The following MARK3 variants were observed in gnomAD, a reference collection of about 807,000 sequenced individuals.
The protein encoded by MARK3 is MAP/microtubule affinity-regulating kinase 3.
In MARK3, 46 loss-of-function variants were observed where a neutral mutation model predicts 90.1. The ratio of observed to expected loss-of-function variants is 0.51; its 90% CI spans 0.40 to 0.65. The LOEUF (loss-of-function observed/expected upper bound fraction) is 0.65, where lower values mean the gene tolerates loss of function less well. Ranked by LOEUF, MARK3 falls within the 30% of genes least tolerant of loss-of-function variation. The pLI is 0.00. For missense variants in MARK3, 818 were observed against 947.2 expected, an observed-to-expected ratio of 0.86 and a Z score of 1.79; for synonymous variants, 321 against 332.6, an observed-to-expected ratio of 0.97 and a Z score of 0.38.
At position 103,467,377 on chromosome 14, in the gene MARK3, G is replaced by A. The variant is rs1595818738; in HGVS notation, c.1110+186G>A. ...TATTTTAACTTAACCCTTAATGATGGATATTGGCCAGGCGTGGTGGCTCAT... is the reference window on the plus strand; with the variant it reads ...TATTTTAACTTAACCCTTAATGATGAATATTGGCCAGGCGTGGTGGCTCAT... On this transcript the variant is annotated intron_variant, in intron 11 of 17. Coordinates refer to ENST00000429436, the MANE Select transcript of MARK3 (RefSeq NM_001128918.3). 8 of 363,456 alleles carry A rather than the reference G, an allele frequency of 2.2e-5. No homozygotes were observed. In the East Asian group the frequency reaches 3.8e-4, roughly 17 times the overall value. The allele number at this position is 363,456 out of a possible 1,614,324, so 22.5% of individuals were successfully genotyped here.
At chr14:103,413,357 T>C (rs1418182845) in intron 2 of MARK3, among the ~76,000 whole-genome samples, 1 of 151,874 alleles carries the variant, frequency 6.6e-6, no homozygotes, top group Non-Finnish European at 1.5e-5. Flanking sequence ...TATAACTTCT[T>C]GCATTTGGGA....
chr14:103,480,629 T>C, intron 14 of MARK3, 139 bp downstream of exon 14: 1 of 580,540 alleles, frequency 1.7e-6, no homozygotes, highest in South Asian at 2.3e-5. Flanking sequence ...ATTTGTATAC[T>C]AATTTTTAGC....
chr14:103,491,686 C>T, intron 14 of MARK3, 91 bp from the exon 15 acceptor site: 2 of 1,404,070 alleles, frequency 1.4e-6, no homozygotes, highest in Admixed American at 4.2e-5. Flanking sequence ...TTTTTTATAC[C>T]CGATTTTCTC....
chr14:103,419,109 A>C (rs2140935613), intron 2 of MARK3, among the ~76,000 whole-genome samples: 1 of 152,236 alleles, frequency 6.6e-6, no homozygotes, highest in South Asian at 2.1e-4. Flanking sequence ...TAACATGGTG[A>C]AACCCCGTCT....
chr14:103,470,272 T>C (rs990427158), intron 12 of MARK3, among the ~76,000 whole-genome samples: 1 of 151,692 alleles, frequency 6.6e-6, no homozygotes, highest in Non-Finnish European at 1.5e-5. Flanking sequence ...AAGCCAGTCC[T>C]TTATGAGACA....
At chr14:103,412,572 C>T (rs953582421) in intron 2 of MARK3, 20 of 683,020 alleles carry the variant, frequency 2.9e-5, no homozygotes, top group Admixed American at 6.2e-5. Flanking sequence ...CCCCAGGACC[C>T]ACACTTGGGA....
chr14:103,425,841 C>T (rs1468680142), intron 2 of MARK3, among the ~76,000 whole-genome samples: 1 of 152,210 alleles, frequency 6.6e-6, no homozygotes, highest in African/African-American at 2.4e-5. Flanking sequence ...CCCATCCACT[C>T]CAGGGTCAGA....
At chr14:103,399,263 AT>A (rs2140555011) in intron 1 of MARK3, among the ~76,000 whole-genome samples, 1 of 152,334 alleles carries the variant, frequency 6.6e-6, no homozygotes, top group African/African-American at 2.4e-5. Flanking sequence ...TGTGGGCAAA[AT>A]TAAGAACTAA....
At chr14:103,420,418 A>T (rs923339033) in intron 2 of MARK3, among the ~76,000 whole-genome samples, 2 of 151,974 alleles carry the variant, frequency 1.3e-5, no homozygotes, top group African/African-American at 4.8e-5. Flanking sequence ...TTCTACAGAG[A>T]CAAAGCATCC....
chr14:103,445,531 G>A lies in MARK3; in HGVS notation c.298-3388G>A, dbSNP rs1395102003. Among the ~76,000 whole-genome samples, 3 of 152,076 alleles carry A rather than the reference G, an allele frequency of 2.0e-5. No homozygotes were observed. In the South Asian group the frequency reaches 6.2e-4, roughly 32 times the overall value. ...TTCTTTGGCTGCTCTTTTTGCCTAC[G>A]GAATTAAATTTTTACTAGTCTTCTA... On this transcript the variant is annotated intron_variant, in intron 3 of 17. Coordinates refer to ENST00000429436, the MANE Select transcript of MARK3 (RefSeq NM_001128918.3).
rs1026866056 is a variant in MARK3, at chr14:103,493,088, A to G, written c.1844+1054A>G. On this transcript the variant is annotated intron_variant, in intron 15 of 17. Coordinates refer to ENST00000429436, the MANE Select transcript of MARK3 (RefSeq NM_001128918.3). ...CCTCCTCTGTTTTTCTGCATTCCCT[A>G]TGGCCTATAGCCTATTACTTCATTT... is the stretch of plus-strand genomic sequence containing the variant. Among the ~76,000 whole-genome samples, 10 of 152,176 alleles carry G rather than the reference A, an allele frequency of 6.6e-5. No individual in the cohort carries two copies. In the East Asian group the frequency reaches 1.5e-3, roughly 24 times the overall value.
intron 3 of MARK3, among the ~76,000 whole-genome samples, chr14:103,429,012 C>G (rs2092497869): frequency 6.6e-6 from 1 of 152,162 alleles, no homozygotes; most frequent in African/African-American, 2.4e-5. Context: ...TTTAGAATCA[C>G]CTGGGCAGAT....
At position 103,438,956 on chromosome 14, in the gene MARK3, C is replaced by A. The variant is rs2092783062; in HGVS notation, c.298-9963C>A. Among the ~76,000 whole-genome samples the A allele has an allele frequency of 2.0e-5, 3 of 151,070 alleles. No homozygotes were observed. The South Asian group carries it at 6.3e-4, about 32-fold the overall frequency. ...TGAACCATGTTCATGCCACTGCATT[C>A]CAGCTTGGGTGACAGAGCAAGACTC... On this transcript the variant is annotated intron_variant, in intron 3 of 17. Coordinates refer to ENST00000429436, the MANE Select transcript of MARK3 (RefSeq NM_001128918.3).
chr14:103,423,198 G>GTTTTTTTTTTTTT (rs1418393541), intron 2 of MARK3, among the ~76,000 whole-genome samples: 41 of 8,340 alleles, frequency 4.9e-3, no homozygotes, highest in African/African-American at 6.6e-3. Context: ...AGGACTTGCA[G>GTTTTTTTTTTTTT]TCTTTTTTTT....
At chr14:103,451,376 G>A (rs892896958) in intron 4 of MARK3, among the ~76,000 whole-genome samples, 4 of 152,084 alleles carry the variant, frequency 2.6e-5, no homozygotes, top group African/African-American at 9.7e-5. Context: ...TCAATTAATT[G>A]CAGTATAATC....
intron 3 of MARK3, among the ~76,000 whole-genome samples, chr14:103,434,525 G>A (rs1389808238): frequency 1.3e-5 from 2 of 152,202 alleles, no homozygotes; most frequent in Non-Finnish European, 2.9e-5. Context: ...ACAGTCTTGG[G>A]AAAAGCTGTC....
At chr14:103,416,871 T>A (rs1469666346) in intron 2 of MARK3, among the ~76,000 whole-genome samples, 1 of 152,216 alleles carries the variant, frequency 6.6e-6, no homozygotes, top group Non-Finnish European at 1.5e-5. Context: ...TAGGAGCTTG[T>A]AGAAATTTTC....
chr14:103,431,581 C>G (rs554142926), intron 3 of MARK3, among the ~76,000 whole-genome samples: 1 of 151,864 alleles, frequency 6.6e-6, no homozygotes, highest in African/African-American at 2.4e-5. Context: ...AAGACTTTGT[C>G]TCAAAAAAAA....
intron 2 of MARK3, among the ~76,000 whole-genome samples, chr14:103,426,897 A>T (rs2092422651): frequency 6.6e-6 from 1 of 150,562 alleles, no homozygotes; most frequent in African/African-American, 2.5e-5. Flanking sequence ...TATTTAAAAA[A>T]AAAAAAAAAA....
Sources: gnomAD v4.1 joint callset for allele counts (sites outside exome capture counted in the v4.1 genomes callset) on GRCh38, gnomAD v4.1.1 for gene constraint, MANE v1.5 for transcripts, NCBI Gene and HGNC (gene_info 2026-07-23, HGNC 2026-07-21) for gene names.